The following CYP2U1 variants were observed in gnomAD, a reference collection of about 807,000 sequenced individuals.
CYP2U1 encodes cytochrome P450 family 2 subfamily U member 1.
Under a neutral mutation model 42.8 loss-of-function variants are expected in CYP2U1, and 28 were observed. That is an observed-to-expected ratio of 0.65 (90% CI 0.48 to 0.90). The LOEUF (loss-of-function observed/expected upper bound fraction) is 0.90, where lower values mean the gene tolerates loss of function less well. Among genes scored for constraint, CYP2U1 ranks in the 40% least tolerant of loss-of-function variants. The pLI, the probability that CYP2U1 is intolerant of heterozygous loss-of-function variation, is 0.00. For synonymous variants in CYP2U1, 296 were observed against 278.9 expected (o/e 1.06, Z -0.61); for missense variants, 642 against 693.8 (o/e 0.93, Z 0.84).
Position 107,932,065 on chromosome 4 carries a change from T to A in CYP2U1, c.422T>A (p.Val141Glu). The A allele has an allele frequency of 6.3e-7, 1 of 1,589,960 alleles. No individual in the cohort carries two copies. The highest frequency in any genetic ancestry group is 1.8e-5 in the Admixed American group (1 of 56,848). ...TTCCACAGCGTGCGCGAGGCGCTGG[T>A]GCAGCAGGCCGAGGTCTTCAGCGAC... is the stretch of plus-strand genomic sequence containing the variant. ...SDFHSVREALVQQAEVFSDRP... is the reference protein window; with the variant it reads ...SDFHSVREALEQQAEVFSDRP... Residue 141 changes from valine (V) to glutamate (E), a missense_variant, in exon 1 of 5, where the codon GTG becomes GAG. Val to Glu is a moderately radical substitution (Grantham distance 121). Transcript: ENST00000332884.
rs142502972 is a variant in CYP2U1, at chr4:107,948,715, A to G, written c.1289-635A>G. ...GTCCAGACTCTCTTTAAACATCCCT[A>G]TTAACAAAGAATTTACCTCTGGAGT... is the stretch of plus-strand genomic sequence containing the variant. On this transcript the variant is annotated intron_variant, in intron 3 of 4. Transcript: ENST00000332884. 4.1e-3 allele frequency among the ~76,000 whole-genome samples: 628 copies of G among 152,284 alleles called. 4 individuals carry two copies. The highest frequency in any genetic ancestry group is 0.014 in the African/African-American group (585 of 41,556).
chr4:107,947,681 C>A, intron 3 of CYP2U1, 144 bp downstream of exon 3: 1 of 818,744 alleles, frequency 1.2e-6, no homozygotes, highest in Non-Finnish European at 1.9e-6. Flanking sequence ...AATAAAATGT[C>A]TAGGGAATGT....
Position 107,945,549 on chromosome 4 carries a change from C to A in CYP2U1, c.1070C>A (p.Thr357Lys), listed in dbSNP as rs1407381596. 3 of 1,610,210 alleles carry A rather than the reference C, an allele frequency of 1.9e-6. No homozygotes were observed. In the African/African-American group the frequency reaches 4.0e-5, roughly 22 times the overall value. ...GDLFIAGTDT[T>K]TNSLLWCLLY... Reference sequence around the variant, plus strand: ...CTCTTTATTGCTGGGACTGATACCACAACTAACTCTTTGCTCTGGTGCCTG... The same window carrying A: ...CTCTTTATTGCTGGGACTGATACCAAAACTAACTCTTTGCTCTGGTGCCTG... Residue 357 changes from threonine to lysine, a missense_variant, in exon 2 of 5, where the codon ACA becomes AAA. Coordinates refer to ENST00000332884, the MANE Select transcript of CYP2U1 (RefSeq NM_183075.3).
rs1733881127 is a variant in CYP2U1, at chr4:107,950,701, C to G, written c.*278C>G. The G allele has an allele frequency of 3.5e-6, 1 of 286,626 alleles. No homozygotes were observed. The highest frequency in any genetic ancestry group is 9.5e-5 in the South Asian group (1 of 10,472). The allele number at this position is 286,626 out of a possible 1,614,324, so 17.8% of individuals were successfully genotyped here. ...TGGATTTTACTTGCAGTGGCTTCCA[C>G]CGATGGGCCAATCTTCTCATTTCTT... On this transcript the variant is annotated 3_prime_UTR_variant, in exon 5 of 5. Transcript: ENST00000332884.
chr4:107,943,669 T>A (rs1733577269), intron 1 of CYP2U1, among the ~76,000 whole-genome samples: 1 of 152,224 alleles, frequency 6.6e-6, no homozygotes, highest in Non-Finnish European at 1.5e-5. Context: ...TTTGACTGCA[T>A]GGATGTTTAC....
chr4:107,948,576 CAAT>C (rs770825309), intron 3 of CYP2U1, among the ~76,000 whole-genome samples: 6 of 151,464 alleles, frequency 4.0e-5, no homozygotes, highest in East Asian at 1.9e-4. Flanking sequence ...CAGCCTGTCT[CAAT>C]AATAATAATA....
intron 4 of CYP2U1, 86 bp downstream of exon 4, chr4:107,949,603 G>T: frequency 8.2e-7 from 1 of 1,218,208 alleles, no homozygotes. Flanking sequence ...TTTTAAAAAT[G>T]TTTCTTTCTT....
At chr4:107,948,166 G>C (rs572104598) in intron 3 of CYP2U1, among the ~76,000 whole-genome samples, 105 of 151,456 alleles carry the variant, frequency 6.9e-4, no homozygotes, top group Non-Finnish European at 1.3e-3. Context: ...TACTCAGGAG[G>C]CTGAGGCAGG....
At position 107,947,468 on chromosome 4, in the gene CYP2U1, A is replaced by G. The variant is rs1560702525; in HGVS notation, c.1219A>G (p.Ile407Val). The change falls in exon 3 of 5, where the codon ATC becomes GTC. Residue 407 changes from isoleucine (I) to valine (V), a missense_variant. Coordinates refer to ENST00000332884, the MANE Select transcript of CYP2U1 (RefSeq NM_183075.3). Reference sequence around the variant, plus strand: ...CCAGATGCCCTACACAGAAGCCACCATCATGGAAGTGCAGAGGCTAACTGT... The same window carrying G: ...CCAGATGCCCTACACAGAAGCCACCGTCATGGAAGTGCAGAGGCTAACTGT... ...KAQMPYTEAT[I>V]MEVQRLTVVV... is the part of the protein sequence containing the mutation. 1.2e-6 allele frequency: 2 copies of G among 1,614,014 alleles called. No individual in the cohort carries two copies. The highest frequency in any genetic ancestry group is 1.7e-6 in the Non-Finnish European group (2 of 1,180,016).
intron 1 of CYP2U1, chr4:107,940,251 A>AT (rs112981385): frequency 0.46 from 69,156 of 150,208 alleles, 17,223 homozygotes; most frequent in East Asian, 0.7. Flanking sequence ...AGCTAATTAA[A>AT]ATTTTTTTTT....
At chr4:107,932,826 T>G (rs956833710) in intron 1 of CYP2U1, among the ~76,000 whole-genome samples, 2 of 152,244 alleles carry the variant, frequency 1.3e-5, no homozygotes, top group African/African-American at 4.8e-5. Context: ...TGCCTTTTCC[T>G]TGGGGAAGCC....
At position 107,931,955 on chromosome 4, in the gene CYP2U1, G is replaced by A. The variant is rs1232709541; in HGVS notation, c.312G>A (p.Gln104=). Residue 104 remains glutamine, a synonymous_variant, in exon 1 of 5, where the codon CAG becomes CAA. Coordinates refer to ENST00000332884, the MANE Select transcript of CYP2U1 (RefSeq NM_183075.3). Reference sequence around the variant, plus strand: ...TTGATCCCTCGGTCATAGGCCCGCAGGTGCTCCTGGCTCACCTAGCCCGCG... The same window carrying A: ...TTGATCCCTCGGTCATAGGCCCGCAAGTGCTCCTGGCTCACCTAGCCCGCG... ...AGIDPSVIGP[Q]VLLAHLARVY... is the part of the protein sequence containing the mutation. 7 of 1,551,500 alleles carry A rather than the reference G, an allele frequency of 4.5e-6. No homozygotes were observed. Among genetic ancestry groups the A allele is most frequent in the Non-Finnish European group, 6.1e-6 (7 of 1,147,170 alleles).
intron 1 of CYP2U1, 60 bp downstream of exon 1, chr4:107,932,193 T>TG: frequency 6.5e-7 from 1 of 1,533,546 alleles, no homozygotes; most frequent in Non-Finnish European, 8.7e-7. Flanking sequence ...TCCAGGTGCG[T>TG]GGGGGCTGCA....
At chr4:107,942,736 G>GA (rs1322727655) in intron 1 of CYP2U1, among the ~76,000 whole-genome samples, 2 of 152,036 alleles carry the variant, frequency 1.3e-5, no homozygotes, top group East Asian at 3.9e-4. Context: ...TCTACATAGG[G>GA]AAAAAATGTT....
At chr4:107,950,208 A>C in intron 4 of CYP2U1, 37 bp from the exon 5 acceptor site, 2 of 1,547,738 alleles carry the variant, frequency 1.3e-6, no homozygotes, top group Non-Finnish European at 8.8e-7. Context: ...AAGGGATGGT[A>C]TTATAATCCT....
intron 1 of CYP2U1, among the ~76,000 whole-genome samples, chr4:107,943,760 G>GT (rs2126197979): frequency 1.3e-5 from 2 of 152,292 alleles, no homozygotes; most frequent in African/African-American, 4.8e-5. Flanking sequence ...ATTTGCAGCT[G>GT]TATCTACTGC....
At chr4:107,941,964 C>T (rs547167240) in intron 1 of CYP2U1, among the ~76,000 whole-genome samples, 15 of 152,080 alleles carry the variant, frequency 9.9e-5, no homozygotes, top group East Asian at 1.9e-4. Context: ...GCTTACATTA[C>T]GAAACAAAAT....
At position 107,950,518 on chromosome 4, in the gene CYP2U1, T is replaced by A. The variant is rs750021329; in HGVS notation, c.*95T>A. On this transcript the variant is annotated 3_prime_UTR_variant, in exon 5 of 5. Transcript: ENST00000332884. ...TGCAAAGGACAGTGAATCCAGCAAC[T>A]CAGTGGATCCAAGCTGGGCTCAGAG... 6.1e-6 allele frequency: 8 copies of A among 1,318,232 alleles called. No homozygotes were observed. The highest frequency in any genetic ancestry group is 1.5e-5 in the African/African-American group (1 of 67,126). 81.7% of individuals were successfully genotyped at this position (1,318,232 alleles called of 1,614,324 possible). A position where few individuals can be genotyped will look rare whatever the true frequency, so the allele number is the denominator to read the frequency against.
chr4:107,948,828 T>A (rs1733807449), intron 3 of CYP2U1, among the ~76,000 whole-genome samples: 1 of 152,102 alleles, frequency 6.6e-6, no homozygotes, highest in Non-Finnish European at 1.5e-5. Context: ...CTTAACGGGT[T>A]TTTTTTGGTA....
Sources: gnomAD v4.1 joint callset for allele counts (sites outside exome capture counted in the v4.1 genomes callset) on GRCh38, gnomAD v4.1.1 for gene constraint, MANE v1.5 for transcripts, NCBI Gene and HGNC (gene_info 2026-07-23, HGNC 2026-07-21) for gene names.